KCTD8: variants seen among roughly 807,000 people sequenced by gnomAD.
The protein encoded by KCTD8 is potassium channel tetramerization domain containing 8.
Under a neutral mutation model 31.5 loss-of-function variants are expected in KCTD8, and 27 were observed. The ratio of observed to expected loss-of-function variants is 0.86; its 90% CI spans 0.63 to 1.18. KCTD8 has a LOEUF of 1.18. Ranked by LOEUF, KCTD8 falls within the 50% of genes most tolerant of loss-of-function variation. KCTD8 has a pLI of 0.00. For synonymous variants in KCTD8, 290 were observed against 280.0 expected (o/e 1.04, Z -0.36); for missense variants, 658 against 647.7 (o/e 1.02, Z -0.17).
At chr4:44,344,279 G>T (rs997410308) in intron 1 of KCTD8, among the ~76,000 whole-genome samples, 7 of 151,712 alleles carry the variant, frequency 4.6e-5, no homozygotes, top group African/African-American at 1.7e-4. Flanking sequence ...CAAACTTCTG[G>T]GCTCAAGTGA....
At chr4:44,337,189 T>C (rs922650094) in intron 1 of KCTD8, among the ~76,000 whole-genome samples, 7 of 152,074 alleles carry the variant, frequency 4.6e-5, no homozygotes, top group Non-Finnish European at 8.8e-5. Context: ...CTAAAACAGA[T>C]TGTTGGCCAG....
At chr4:44,353,826 T>C (rs1719277990) in intron 1 of KCTD8, among the ~76,000 whole-genome samples, 2 of 152,168 alleles carry the variant, frequency 1.3e-5, no homozygotes, top group African/African-American at 4.8e-5. Flanking sequence ...ATACTGTCTC[T>C]AATCACTGTT....
intron 1 of KCTD8, among the ~76,000 whole-genome samples, chr4:44,374,903 GAC>G (rs1342362709): frequency 6.6e-5 from 10 of 152,246 alleles, no homozygotes; most frequent in African/African-American, 2.4e-4. Context: ...GCCAAAATGT[GAC>G]ACAGAGACAT....
intron 1 of KCTD8, among the ~76,000 whole-genome samples, chr4:44,447,279 G>A (rs1721966283): frequency 6.6e-6 from 1 of 152,240 alleles, no homozygotes; most frequent in Non-Finnish European, 1.5e-5. Flanking sequence ...ATCTGGGAGC[G>A]GGCTGGGCCG....
chr4:44,327,333 C>T (rs942011733), intron 1 of KCTD8, among the ~76,000 whole-genome samples: 5 of 151,816 alleles, frequency 3.3e-5, no homozygotes, highest in African/African-American at 9.7e-5. Flanking sequence ...TACTTTTTTA[C>T]CCCCAGGTAA....
At chr4:44,370,460 A>G (rs1034843345) in intron 1 of KCTD8, among the ~76,000 whole-genome samples, 2 of 152,214 alleles carry the variant, frequency 1.3e-5, no homozygotes, top group Admixed American at 6.5e-5. Flanking sequence ...CACGAAGTCT[A>G]CTGCTAAGTA....
chr4:44,406,413 C>T (rs936741725), intron 1 of KCTD8, among the ~76,000 whole-genome samples: 3 of 152,144 alleles, frequency 2.0e-5, no homozygotes, highest in Admixed American at 6.5e-5. Flanking sequence ...TAATTTGATT[C>T]ATGGGGGTGG....
At chr4:44,426,324 A>C (rs1446022935) in intron 1 of KCTD8, among the ~76,000 whole-genome samples, 2 of 126,444 alleles carry the variant, frequency 1.6e-5, no homozygotes, top group Non-Finnish European at 1.9e-5. Context: ...AAAAAAAATT[A>C]GGAAAAATTA....
chr4:44,202,885 A>C (rs951187147), intron 1 of KCTD8, among the ~76,000 whole-genome samples: 1 of 152,202 alleles, frequency 6.6e-6, no homozygotes, highest in African/African-American at 2.4e-5. Context: ...AATTTTCTTT[A>C]GTTAGAGCAG....
chr4:44,437,423 T>A (rs17461319), intron 1 of KCTD8, among the ~76,000 whole-genome samples: 11,372 of 152,274 alleles, frequency 0.075, 537 homozygotes, highest in Non-Finnish European at 0.11. Flanking sequence ...GCTTAGTTTA[T>A]AATATCGGTT....
chr4:44,396,690 G>T (rs1720513918), intron 1 of KCTD8, among the ~76,000 whole-genome samples: 1 of 152,052 alleles, frequency 6.6e-6, no homozygotes, highest in South Asian at 2.1e-4. Context: ...GGAAATATCT[G>T]CACCAGAATT....
At chr4:44,272,728 T>C (rs1716649265) in intron 1 of KCTD8, among the ~76,000 whole-genome samples, 2 of 152,056 alleles carry the variant, frequency 1.3e-5, no homozygotes, top group Non-Finnish European at 2.9e-5. Context: ...GAATCAGGCA[T>C]GATGTCAGAC....
intron 1 of KCTD8, among the ~76,000 whole-genome samples, chr4:44,289,088 A>G (rs1232726251): frequency 6.6e-6 from 1 of 151,650 alleles, no homozygotes; most frequent in Non-Finnish European, 1.5e-5. Context: ...TAGAGATACT[A>G]TCTACCTCAC....
intron 1 of KCTD8, among the ~76,000 whole-genome samples, chr4:44,197,152 A>C (rs1713969867): frequency 6.6e-6 from 1 of 152,126 alleles, no homozygotes; most frequent in African/African-American, 2.4e-5. Flanking sequence ...TTGGCCTGAC[A>C]GGACTCATTG....
chr4:44,401,144 T>C (rs1353473726), intron 1 of KCTD8, among the ~76,000 whole-genome samples: 7 of 148,516 alleles, frequency 4.7e-5, no homozygotes, highest in Admixed American at 6.8e-5. Flanking sequence ...TGAATCACCA[T>C]GCCCAGCCAA....
intron 1 of KCTD8, among the ~76,000 whole-genome samples, chr4:44,311,042 T>G (rs1717936279): frequency 1.4e-5 from 2 of 142,856 alleles, no homozygotes; most frequent in Non-Finnish European, 3.2e-5. Context: ...TTCATCTTGA[T>G]GATTCCTCTT....
intron 1 of KCTD8, chr4:44,293,940 CATTTT>C (rs1268265218): frequency 2.9e-6 from 1 of 344,868 alleles, no homozygotes. Context: ...TTTTCTTGAG[CATTTT>C]ATTTTATATC....
At chr4:44,433,323 C>T (rs1721559734) in intron 1 of KCTD8, among the ~76,000 whole-genome samples, 1 of 151,656 alleles carries the variant, frequency 6.6e-6, no homozygotes, top group Non-Finnish European at 1.5e-5. Context: ...ATCAGACTCC[C>T]ATGAATTGGA....
chr4:44,412,053 T>C (rs1720973854), intron 1 of KCTD8, among the ~76,000 whole-genome samples: 1 of 152,086 alleles, frequency 6.6e-6, no homozygotes, highest in Non-Finnish European at 1.5e-5. Flanking sequence ...AAACCTAGAA[T>C]AAAATCTAGA....
Sources: allele counts gnomAD v4.1 joint callset (sites outside exome capture counted in the v4.1 genomes callset), GRCh38; gene constraint gnomAD v4.1.1; transcripts MANE v1.5; gene names NCBI Gene and HGNC (gene_info 2026-07-23, HGNC 2026-07-21).